The following SLC44A5 variants were observed in gnomAD, a reference collection of about 807,000 sequenced individuals.
The protein encoded by SLC44A5 is choline transporter-like protein 5.
A neutral mutation model predicts 101.8 loss-of-function variants in SLC44A5; 57 were observed. The observed-to-expected ratio is 0.56, with a 90% confidence interval of 0.45 to 0.70. SLC44A5 has a LOEUF of 0.70. SLC44A5 is among the 30% of genes least tolerant of loss of function. SLC44A5 has a pLI of 0.00. For synonymous variants in SLC44A5, 281 were observed against 290.9 expected, an observed-to-expected ratio of 0.97 and a Z score of 0.35; for missense variants, 737 against 853.1, an observed-to-expected ratio of 0.86 and a Z score of 1.70.
chr1:75,267,324 T>C (rs956266154), intron 6 of SLC44A5, among the ~76,000 whole-genome samples: 4 of 152,156 alleles, frequency 2.6e-5, no homozygotes, highest in Non-Finnish European at 1.5e-5. Flanking sequence ...AAAATGTTTA[T>C]CTGGTTTTTT....
At chr1:75,642,798 C>T in the SLC44A5 span, among the ~76,000 whole-genome samples, 1 of 152,028 alleles carries the variant, frequency 6.6e-6, no homozygotes, top group Non-Finnish European at 1.5e-5. Context: ...GTTTGGAAAA[C>T]AGTGGGGGTA....
chr1:75,531,174 C>T (rs1461797108), intron 2 of SLC44A5, among the ~76,000 whole-genome samples: 5 of 152,176 alleles, frequency 3.3e-5, no homozygotes, highest in Admixed American at 1.3e-4. Context: ...TCAGAAAGCG[C>T]ATTAGCATAT....
chr1:75,213,703 A>C lies in SLC44A5; in HGVS notation c.1962+2T>G. The C allele has an allele frequency of 6.2e-7, 1 of 1,601,264 alleles. No individual in the cohort carries two copies. The highest frequency in any genetic ancestry group is 8.6e-7 in the Non-Finnish European group (1 of 1,168,796). On this transcript the variant is annotated splice_donor_variant, in intron 22 of 23. Transcript: ENST00000370859. LOFTEE classifies it high-confidence loss of function. ...TGTACTGACTCAGACACCAGCTCTT[A>C]CCAGCAAAGGTACCCAGTAGTAATT... is the stretch of plus-strand genomic sequence containing the variant.
intron 6 of SLC44A5, among the ~76,000 whole-genome samples, chr1:75,271,822 G>A (rs1012657014): frequency 6.6e-6 from 1 of 152,016 alleles, no homozygotes; most frequent in Non-Finnish European, 1.5e-5. Context: ...TTTCCTTTGG[G>A]TAGATACCCA....
chr1:75,387,003 C>CCATAGG, intron 3 of SLC44A5, among the ~76,000 whole-genome samples: 1 of 151,716 alleles, frequency 6.6e-6, no homozygotes, highest in East Asian at 1.9e-4. Flanking sequence ...AACTGGCTAG[C>CCATAGG]CATATGTAGA....
At chr1:75,680,610 CA>C in the SLC44A5 span, among the ~76,000 whole-genome samples, 1 of 151,162 alleles carries the variant, frequency 6.6e-6, no homozygotes, top group Non-Finnish European at 1.5e-5. Context: ...GCATTCAAAG[CA>C]GTGTGTAGAG....
At chr1:75,685,651 C>T in the SLC44A5 span, among the ~76,000 whole-genome samples, 1 of 152,178 alleles carries the variant, frequency 6.6e-6, no homozygotes, top group African/African-American at 2.4e-5. Flanking sequence ...TCACATCTTC[C>T]TGTCTTCTGA....
rs537156971 is a variant in SLC44A5, at chr1:75,306,859, C to T, written c.102-6174G>A. 5.3e-3 allele frequency among the ~76,000 whole-genome samples: 798 copies of T among 150,584 alleles called. 9 individuals are homozygous for T. Among genetic ancestry groups the T allele is most frequent in the African/African-American group, 0.018 (735 of 40,992 alleles). On this transcript the variant is annotated intron_variant, in intron 4 of 23. Transcript: ENST00000370859. ...ACGCCATTCTCCTGCCTCAGCCTCC[C>T]GAGTAGCTGGGACTACAGGCGCCCG...
the SLC44A5 span, among the ~76,000 whole-genome samples, chr1:75,651,237 G>A: frequency 6.6e-6 from 1 of 151,966 alleles, no homozygotes; most frequent in Non-Finnish European, 1.5e-5. Flanking sequence ...GTAGTTTAGG[G>A]GTACTCCTTC....
chr1:75,464,434 G>C (rs552154573), intron 2 of SLC44A5, among the ~76,000 whole-genome samples: 1 of 151,672 alleles, frequency 6.6e-6, no homozygotes, highest in African/African-American at 2.4e-5. Context: ...CAAAAAATAA[G>C]CAAGAAATTA....
chr1:75,579,292 A>C (rs970937181), intron 1 of SLC44A5, among the ~76,000 whole-genome samples: 1 of 152,202 alleles, frequency 6.6e-6, no homozygotes, highest in African/African-American at 2.4e-5. Context: ...AATTTAAGTC[A>C]GTTATCTGGG....
At chr1:75,683,734 T>C in the SLC44A5 span, among the ~76,000 whole-genome samples, 1 of 149,046 alleles carries the variant, frequency 6.7e-6, no homozygotes, top group African/African-American at 2.5e-5. Context: ...TGTGCACGTG[T>C]ACCCTAAAAC....
intron 8 of SLC44A5, 69 bp from the exon 9 acceptor site, chr1:75,242,130 A>G (rs1217563795): frequency 1.4e-5 from 18 of 1,243,678 alleles, no homozygotes; most frequent in Admixed American, 4.0e-5. Flanking sequence ...GAATCTAAAT[A>G]TGTCCTTTAA....
intron 4 of SLC44A5, among the ~76,000 whole-genome samples, chr1:75,304,610 C>CT (rs928884329): frequency 1.3e-5 from 2 of 152,010 alleles, no homozygotes; most frequent in African/African-American, 2.4e-5. Flanking sequence ...GAAATGAGTT[C>CT]TTTTTTTAAG....
chr1:75,685,834 G>T, the SLC44A5 span, among the ~76,000 whole-genome samples: 1 of 152,036 alleles, frequency 6.6e-6, no homozygotes, highest in Non-Finnish European at 1.5e-5. Flanking sequence ...TACTGTATTA[G>T]TCCATTCTCA....
intron 3 of SLC44A5, among the ~76,000 whole-genome samples, chr1:75,348,561 A>G (rs1267333478): frequency 6.6e-6 from 1 of 152,204 alleles, no homozygotes; most frequent in Non-Finnish European, 1.5e-5. Context: ...ATCAAACTCT[A>G]TTCCACCTGT....
At chr1:75,491,484 C>G (rs979640291) in intron 2 of SLC44A5, among the ~76,000 whole-genome samples, 3 of 151,942 alleles carry the variant, frequency 2.0e-5, no homozygotes, top group African/African-American at 7.3e-5. Flanking sequence ...TAATTGAATA[C>G]ACAGAAGAAG....
At chr1:75,606,574 G>T (rs1023286923) in intron 1 of SLC44A5, among the ~76,000 whole-genome samples, 5 of 151,904 alleles carry the variant, frequency 3.3e-5, no homozygotes, top group African/African-American at 4.8e-5. Flanking sequence ...TCCCTTTAAA[G>T]CAAAACCCTT....
chr1:75,622,838 A>G, the SLC44A5 span, among the ~76,000 whole-genome samples: 1 of 152,152 alleles, frequency 6.6e-6, no homozygotes. Context: ...AAGTTGTCCC[A>G]TTATAATTTG....
Sources: gnomAD v4.1 joint callset for allele counts (sites outside exome capture counted in the v4.1 genomes callset) on GRCh38, gnomAD v4.1.1 for gene constraint, MANE v1.5 for transcripts, NCBI Gene and HGNC (gene_info 2026-07-23, HGNC 2026-07-21) for gene names.